The following TTN variants were observed in gnomAD, a reference collection of about 807,000 sequenced individuals.
TTN encodes connectin.
A neutral mutation model predicts 3,223.0 loss-of-function variants in TTN; 1,525 were observed. That is an observed-to-expected ratio of 0.47 (90% CI 0.45 to 0.49). The LOEUF (loss-of-function observed/expected upper bound fraction) is 0.49, where lower values mean the gene tolerates loss of function less well. TTN is among the 20% of genes least tolerant of loss of function. The probability of loss-of-function intolerance (pLI) is 0.00; values close to 1 mark genes in which losing one functional copy is unlikely to be tolerated. For synonymous variants in TTN, 14,094 were observed against 15,161.0 expected (o/e 0.93, Z 5.17); for missense variants, 40,786 against 43,424.0 (o/e 0.94, Z 5.40).
chr2:178,569,567 A>G lies in TTN; in HGVS notation c.76565T>C (p.Ile25522Thr), dbSNP rs372963832. ...TAACCTTAAGGAGCCACCTGCCCTT[A>G]TATTTATGATTTTCCTTAGTTCTAG... Reference protein sequence around the residue: ...LDLELRKIINIRAGGSLRLFV... With the variant: ...LDLELRKIINTRAGGSLRLFV... Residue 25522 changes from isoleucine to threonine, a missense_variant, in exon 326 of 363, where the codon ATA becomes ACA. Transcript: ENST00000589042. 27 of 1,612,914 alleles carry G rather than the reference A, an allele frequency of 1.7e-5. No individual in the cohort carries two copies. Among genetic ancestry groups the G allele is most frequent in the Non-Finnish European group, 2.1e-5 (25 of 1,179,482 alleles).
rs1218299554 is a variant in TTN at position 178,739,265 on chromosome 2, T to C, written c.13968A>G (p.Gln4656=). The change falls in exon 48 of 363, where the codon CAA becomes CAG. Residue 4656 remains glutamine, a synonymous_variant. Coordinates refer to ENST00000589042, the MANE Select transcript of TTN (RefSeq NM_001267550.2). ...SDEKFKCLQD[Q]NTYTLVIDKV... ...TGTCGATGACTAGCGTATATGTATTTTGATCTTGTAAACACTTGAACTTTT... is the reference window on the plus strand; with the variant it reads ...TGTCGATGACTAGCGTATATGTATTCTGATCTTGTAAACACTTGAACTTTT... The C allele has an allele frequency of 6.2e-7, 1 of 1,610,314 alleles. No individual in the cohort carries two copies.
In TTN at chr2:178,543,858, C is replaced by G; in HGVS notation, c.96286G>C (p.Ala32096Pro). Residue 32096 changes from alanine (A) to proline (P), a missense_variant, in exon 346 of 363, where the codon GCA (alanine) becomes CCA (proline). Physicochemically the swap from Ala to Pro is conservative, Grantham distance 27 (BLOSUM62 -1). Coordinates refer to ENST00000589042, the MANE Select transcript of TTN (RefSeq NM_001267550.2). ...EAENQSGKKS[A>P]TVLVKVYDTP... ...CCATAGACTTTAACAAGGACTGTTG[C>G]TGATTTCTTGCCAGATTGGTTTTCA... 6.2e-7 allele frequency: 1 copy of G among 1,613,674 alleles called. No individual in the cohort carries two copies.
chr2:178,680,267 T>C lies in TTN; in HGVS notation c.33405A>G (p.Ala11135=). 1 of 1,612,000 alleles carries C rather than the reference T, an allele frequency of 6.2e-7. No individual in the cohort carries two copies. Among genetic ancestry groups the C allele is most frequent in the Non-Finnish European group, 8.5e-7 (1 of 1,179,064 alleles). ...EKVPVPRKEV[A]PPVRVPEVPK... ...GCCATTAGGTACCTCTAACAGGTGGTGCTACTTCTTTTCTAGGGACAGGTA... is the reference window on the plus strand; with the variant it reads ...GCCATTAGGTACCTCTAACAGGTGGCGCTACTTCTTTTCTAGGGACAGGTA... Residue 11135 remains alanine, a synonymous_variant, in exon 139 of 363, where the codon GCA becomes GCG. Transcript: ENST00000589042.
intron 330 of TTN, chr2:178,556,455 C>A (rs141407740): frequency 9.1e-4 from 170 of 186,152 alleles, no homozygotes; most frequent in South Asian, 1.7e-3. Flanking sequence ...AACAAACAAA[C>A]AAAAAAAAAA....
chr2:178,803,368 T>C (rs997398901), intron 2 of TTN, among the ~76,000 whole-genome samples: 1 of 152,082 alleles, frequency 6.6e-6, no homozygotes, highest in African/African-American at 2.4e-5. Context: ...ACTGAAGTCA[T>C]ATGTGTTCTG....
chr2:178,784,562 A>C (rs2093033001), intron 15 of TTN, among the ~76,000 whole-genome samples: 1 of 152,184 alleles, frequency 6.6e-6, no homozygotes, highest in Admixed American at 6.5e-5. Context: ...CAAATTTTAA[A>C]ATATCTTTTT....
chr2:178,693,705 A>C lies in TTN; in HGVS notation c.31514-16T>G. 1 of 1,569,890 alleles carries C rather than the reference A, an allele frequency of 6.4e-7. No individual in the cohort carries two copies. The stretch of plus-strand genomic sequence containing the variant: ...ACCTCGGGGACTTAAAAAAATGTAC[A>C]TTTTAATTACTGATATGCCATGTTG... On this transcript the variant is annotated splice_polypyrimidine_tract_variant and intron_variant, in intron 118 of 362. Coordinates refer to ENST00000589042, the MANE Select transcript of TTN (RefSeq NM_001267550.2).
intron 47 of TTN, chr2:178,746,960 T>A (rs751794801): frequency 2.5e-6 from 4 of 1,613,544 alleles, no homozygotes; most frequent in Non-Finnish European, 3.4e-6. Flanking sequence ...TGTGTAGAAA[T>A]GCTCATTTGG....
chr2:178,635,642 G>A lies in TTN; in HGVS notation c.41682C>T (p.Ala13894=), dbSNP rs1227750282. The A allele has an allele frequency of 6.3e-7, 1 of 1,597,932 alleles. No individual in the cohort carries two copies. The highest frequency in any genetic ancestry group is 1.7e-5 in the Admixed American group (1 of 57,698). ...HVKPKGTAIF[A]CDIAKDTPNI... The stretch of plus-strand genomic sequence containing the variant: ...TTGGAGTATCTTTTGCTATATCACA[G>A]GCAAAAATAGCTGTCCCCTTGGGTT... The change falls in exon 227 of 363, where the codon GCC becomes GCT. Residue 13894 remains alanine, a synonymous_variant. Coordinates refer to ENST00000589042, the MANE Select transcript of TTN (RefSeq NM_001267550.2).
chr2:178,636,326 CA>C lies in TTN; in HGVS notation c.41329+71del. 6.6e-7 allele frequency: 1 copy of C among 1,507,448 alleles called. No homozygotes were observed. Among genetic ancestry groups the C allele is most frequent in the South Asian group, 1.4e-5 (1 of 72,794 alleles). The allele number at this position is 1,507,448 out of a possible 1,614,324, so 93.4% of individuals were successfully genotyped here. A position where few individuals can be genotyped will look rare whatever the true frequency, so the allele number is the denominator to read the frequency against. The stretch of plus-strand genomic sequence containing the variant: ...GGAAATAAGAGGTTTTGTAAAACTA[CA>C]ATGCAAGTTGCTACTAAGGTTTGTT... On this transcript the variant is annotated intron_variant, in intron 225 of 362. Transcript: ENST00000589042. This position sits in a 1 kb window ranked among gnomAD's most constrained non-coding sequence, Gnocchi z 4.3.
Position 178,570,362 on chromosome 2 carries a change from G to C in TTN, c.75770C>G (p.Ala25257Gly). 1 of 1,613,158 alleles carries C rather than the reference G, an allele frequency of 6.2e-7. No individual in the cohort carries two copies. The highest frequency in any genetic ancestry group is 8.5e-7 in the Non-Finnish European group (1 of 1,179,584). Residue 25257 changes from alanine (A) to glycine (G), a missense_variant, in exon 326 of 363, where the codon GCC becomes GGC. Coordinates refer to ENST00000589042, the MANE Select transcript of TTN (RefSeq NM_001267550.2). ...CTTGCAGCTGAGAGTCTGCACATTG[G>C]CATCAACCACAGTCCAAACTAAGCG... is the stretch of plus-strand genomic sequence containing the variant. ...TSRLVWTVVD[A>G]NVQTLSCKVT...
Position 178,666,802 on chromosome 2 carries a change from G to T in TTN, c.35875+22C>A, listed in dbSNP as rs1324783574. 5 of 1,530,720 alleles carry T rather than the reference G, an allele frequency of 3.3e-6. No homozygotes were observed. In the East Asian group the frequency reaches 1.2e-4, roughly 37 times the overall value. 94.8% of individuals were successfully genotyped at this position (1,530,720 alleles called of 1,614,324 possible). Reference sequence around the variant, plus strand: ...CAACTGCAAACATGAGATTAAAAAGGTGACTTTCTTCCAACTTGTACCTGT... The same window carrying T: ...CAACTGCAAACATGAGATTAAAAAGTTGACTTTCTTCCAACTTGTACCTGT... On this transcript the variant is annotated intron_variant, in intron 163 of 362. Coordinates refer to ENST00000589042, the MANE Select transcript of TTN (RefSeq NM_001267550.2).
chr2:178,633,237 C>G lies in TTN; in HGVS notation c.43036G>C (p.Asp14346His). ...AHFEIELSEP[D>H]VHGQWKLKGQ... The stretch of plus-strand genomic sequence containing the variant: ...TTCAGCTTCCACTGGCCGTGAACAT[C>G]AGGTTCAGAAAGTTCAATTTCAAAG... The change falls in exon 233 of 363, where the codon GAT becomes CAT. Residue 14346 changes from aspartate to histidine, a missense_variant. By Grantham distance (81) the Asp-to-His change is moderately conservative. Transcript: ENST00000589042. The G allele has an allele frequency of 1.9e-6, 3 of 1,613,238 alleles. No homozygotes were observed. The highest frequency in any genetic ancestry group is 2.5e-6 in the Non-Finnish European group (3 of 1,179,480).
Position 178,554,453 on chromosome 2 carries a change from C to T in TTN, c.88894G>A (p.Val29632Ile). Residue 29632 changes from valine to isoleucine, a missense_variant and splice_region_variant, in exon 332 of 363, where the codon GTT becomes ATT. By Grantham distance (29) the Val-to-Ile change is conservative (BLOSUM62 3). Coordinates refer to ENST00000589042, the MANE Select transcript of TTN (RefSeq NM_001267550.2). ...SDSVVAKNAF[V>I]TPGPPGIPEV... ...GTTTTCTAATGAAATCATGTCTCACCAAATGCGTTCTTGGCTACAACGGAA... is the reference window on the plus strand; with the variant it reads ...GTTTTCTAATGAAATCATGTCTCACTAAATGCGTTCTTGGCTACAACGGAA... The T allele has an allele frequency of 6.2e-7, 1 of 1,612,458 alleles. No homozygotes were observed. Among genetic ancestry groups the T allele is most frequent in the Non-Finnish European group, 8.5e-7 (1 of 1,179,220 alleles).
rs756519457 is a variant in TTN at position 178,571,837 on chromosome 2, C to T, written c.74295G>A (p.Glu24765=). The change falls in exon 326 of 363, where the codon GAG becomes GAA. Residue 24765 remains glutamate (E), a synonymous_variant. Coordinates refer to ENST00000589042, the MANE Select transcript of TTN (RefSeq NM_001267550.2). ...TCAGTAGTGAATTATTTTCTGTGCT[C>T]TCTGCATTTACTCTAGTTGTCTGCT... ...PLKQTTRVNA[E]STENNSLLTI... is the part of the protein sequence containing the mutation. 2 of 1,613,440 alleles carry T rather than the reference C, an allele frequency of 1.2e-6. No individual in the cohort carries two copies. The highest frequency in any genetic ancestry group is 1.7e-6 in the Non-Finnish European group (2 of 1,179,626).
chr2:178,665,787 A>G lies in TTN; in HGVS notation c.35880T>C (p.Pro11960=). 1 of 1,292,784 alleles carries G rather than the reference A, an allele frequency of 7.7e-7. No homozygotes were observed. Among genetic ancestry groups the G allele is most frequent in the Non-Finnish European group, 9.8e-7 (1 of 1,024,798 alleles). The allele number at this position is 1,292,784 out of a possible 1,614,324, so 80.1% of individuals were successfully genotyped here. A position where few individuals can be genotyped will look rare whatever the true frequency, so the allele number is the denominator to read the frequency against. The change falls in exon 164 of 363, where the codon CCT becomes CCC. Residue 11960 remains proline, a synonymous_variant. Transcript: ENST00000589042. The part of the protein sequence containing the change: ...KRRKTPSPTV[P]ESPREIVPVK... The stretch of plus-strand genomic sequence containing the variant: ...CAGGGACAATTTCTCGAGGTGATTC[A>G]GGCACTTTAAAGATATGAATGCATT...
Position 178,591,886 on chromosome 2 carries a change from G to A in TTN, c.59933C>T (p.Pro19978Leu), listed in dbSNP as rs1303172310. The change falls in exon 303 of 363, where the codon CCA becomes CTA. Residue 19978 changes from proline to leucine, a missense_variant. Transcript: ENST00000589042. The stretch of plus-strand genomic sequence containing the variant: ...ATGGTGCAGGTCCTTGGGTGGCCCT[G>A]GGGGATCTTTTCAAAGAAGAAGTTA... Reference protein sequence around the residue: ...PIKALDPLHPPGPPKDLHHVD... With the variant: ...PIKALDPLHPLGPPKDLHHVD... 4.4e-6 allele frequency: 7 copies of A among 1,607,400 alleles called. No homozygotes were observed. The highest frequency in any genetic ancestry group is 5.9e-6 in the Non-Finnish European group (7 of 1,178,108).
chr2:178,604,569 A>C (rs1161518974), intron 281 of TTN, 139 bp downstream of exon 281: 1 of 993,610 alleles, frequency 1.0e-6, no homozygotes, highest in African/African-American at 1.6e-5. Context: ...GTGTGGGGCT[A>C]AACACTACAA....
rs746990488 is a variant in TTN at position 178,785,989 on chromosome 2, G to A, written c.2229C>T (p.Ala743=). The A allele has an allele frequency of 1.3e-5, 21 of 1,613,938 alleles. No individual in the cohort carries two copies. Among genetic ancestry groups the A allele is most frequent in the East Asian group, 4.5e-5 (2 of 44,876 alleles). ...LEYGYKERIS[A]AKVAEPPQRP... The stretch of plus-strand genomic sequence containing the variant: ...GTTGGGGAGGCTCAGCTACCTTTGC[G>A]GCGGAAATGCGTTCCTTATATCCGT... Residue 743 remains alanine (A), a synonymous_variant, in exon 14 of 363, where the codon GCC becomes GCT. Coordinates refer to ENST00000589042, the MANE Select transcript of TTN (RefSeq NM_001267550.2).
Sources: gnomAD v4.1 joint callset for allele counts (sites outside exome capture counted in the v4.1 genomes callset) on GRCh38, gnomAD v4.1.1 for gene constraint, Gnocchi (gnomAD v3.1) non-coding constraint, MANE v1.5 for transcripts, NCBI Gene and HGNC (gene_info 2026-07-23, HGNC 2026-07-21) for gene names.